The following LIPA variants were observed in gnomAD, a reference collection of about 807,000 sequenced individuals.
The protein encoded by LIPA is lipase A, lysosomal acid type.
Under a neutral mutation model 40.6 loss-of-function variants are expected in LIPA, and 26 were observed. The observed-to-expected ratio is 0.64, with a 90% CI of 0.47 to 0.89. The LOEUF (loss-of-function observed/expected upper bound fraction) is 0.89. Among genes scored for constraint, LIPA ranks in the 40% least tolerant of loss-of-function variants. LIPA has a pLI of 0.00. For synonymous variants in LIPA, 188 were observed against 168.4 expected, an observed-to-expected ratio of 1.12 and a Z score of -0.90; for missense variants, 455 against 479.6, an observed-to-expected ratio of 0.95 and a Z score of 0.48.
intron 1 of LIPA, among the ~76,000 whole-genome samples, chr10:89,265,092 CA>C (rs761262276): frequency 6.6e-6 from 1 of 152,186 alleles, no homozygotes; most frequent in Non-Finnish European, 1.5e-5. Flanking sequence ...CAGGTCACAG[CA>C]GCACCTAGGC....
intron 1 of LIPA, among the ~76,000 whole-genome samples, chr10:89,294,651 G>T (rs1843398280): frequency 6.6e-6 from 1 of 152,164 alleles, no homozygotes; most frequent in African/African-American, 2.4e-5. Context: ...AGAAGAAATG[G>T]TGTTTAATTA....
At chr10:89,395,063 C>A (rs1355297503) in intron 2 of LIPA, among the ~76,000 whole-genome samples, 2 of 152,174 alleles carry the variant, frequency 1.3e-5, no homozygotes, top group African/African-American at 2.4e-5. Context: ...TAGTTCTCCA[C>A]CTTTTTCCAG....
intron 2 of LIPA, among the ~76,000 whole-genome samples, chr10:89,387,726 T>G (rs1844220389): frequency 6.6e-6 from 1 of 152,230 alleles, no homozygotes; most frequent in South Asian, 2.1e-4. Flanking sequence ...TATCAATTAA[T>G]TGTACTGAAG....
At chr10:89,264,561 C>G (rs963585882) in intron 1 of LIPA, among the ~76,000 whole-genome samples, 4 of 152,104 alleles carry the variant, frequency 2.6e-5, no homozygotes, top group African/African-American at 9.7e-5. Flanking sequence ...AGCTTCTATT[C>G]ACAGGCAGGT....
At chr10:89,339,575 T>C (rs915392549) in intron 1 of LIPA, 8 of 1,614,154 alleles carry the variant, frequency 5.0e-6, no homozygotes, top group Non-Finnish European at 6.8e-6. Flanking sequence ...AAAGAGATGA[T>C]TGAAGCACTA....
intron 1 of LIPA, among the ~76,000 whole-genome samples, chr10:89,281,057 G>T (rs1262406588): frequency 6.6e-6 from 1 of 152,188 alleles, no homozygotes; most frequent in East Asian, 1.9e-4. Flanking sequence ...TAAAAACAGT[G>T]GCTATTTATG....
At chr10:89,227,701 C>T (rs2071511) in intron 4 of LIPA, among the ~76,000 whole-genome samples, 81,105 of 152,020 alleles carry the variant, frequency 0.53, 24,667 homozygotes, top group African/African-American at 0.85. Flanking sequence ...CTTCTCTGCA[C>T]CCTCTCCTTT....
At chr10:89,391,818 G>A (rs1486766450) in intron 2 of LIPA, among the ~76,000 whole-genome samples, 2 of 152,064 alleles carry the variant, frequency 1.3e-5, no homozygotes, top group Admixed American at 1.3e-4. Flanking sequence ...ATGAGCCACC[G>A]CACCCAGCCA....
At chr10:89,351,577 C>A (rs1444896736) in intron 2 of LIPA, among the ~76,000 whole-genome samples, 1 of 152,220 alleles carries the variant, frequency 6.6e-6, no homozygotes, top group South Asian at 2.1e-4. Context: ...AACCACCTAA[C>A]AACAGGCAGC....
At chr10:89,379,979 G>T (rs184745293) in intron 2 of LIPA, among the ~76,000 whole-genome samples, 1 of 151,684 alleles carries the variant, frequency 6.6e-6, no homozygotes, top group East Asian at 1.9e-4. Flanking sequence ...AGCTTGAAGT[G>T]AGCCGAGATT....
chr10:89,221,309 C>T (rs575887084), intron 8 of LIPA, among the ~76,000 whole-genome samples: 1 of 151,908 alleles, frequency 6.6e-6, no homozygotes, highest in Non-Finnish European at 1.5e-5. Context: ...GAGCCAAGAT[C>T]GCACCACTAC....
intron 1 of LIPA, chr10:89,338,387 G>A: frequency 2.8e-6 from 1 of 358,344 alleles, no homozygotes; most frequent in South Asian, 4.7e-5. Flanking sequence ...GTCAGAGGGA[G>A]AATTCTCCCT....
chr10:89,400,956 G>GT (rs151176238), intron 2 of LIPA, among the ~76,000 whole-genome samples: 27,951 of 146,504 alleles, frequency 0.19, 5,388 homozygotes, highest in African/African-American at 0.49. Context: ...TCTATAGTCT[G>GT]TTTTTTTTTT....
chr10:89,387,484 A>G (rs1435044344), intron 2 of LIPA, among the ~76,000 whole-genome samples: 3 of 152,182 alleles, frequency 2.0e-5, no homozygotes, highest in Admixed American at 1.3e-4. Context: ...GAAGAGAGAA[A>G]AAATTGGAGG....
intron 1 of LIPA, among the ~76,000 whole-genome samples, chr10:89,249,940 G>A (rs998273511): frequency 6.6e-6 from 1 of 152,028 alleles, no homozygotes; most frequent in Non-Finnish European, 1.5e-5. Flanking sequence ...TGTTTAAACT[G>A]AATATTCCAC....
chr10:89,341,494 T>C (rs2133577997), intron 1 of LIPA, among the ~76,000 whole-genome samples: 1 of 152,248 alleles, frequency 6.6e-6, no homozygotes, highest in East Asian at 1.9e-4. Flanking sequence ...CTCATGAATG[T>C]AATATCTAGT....
intron 1 of LIPA, among the ~76,000 whole-genome samples, chr10:89,264,133 T>G (rs557344361): frequency 1.3e-5 from 2 of 152,282 alleles, no homozygotes; most frequent in South Asian, 4.1e-4. Flanking sequence ...CTTCTCTCCT[T>G]CTCATTGCTG....
intron 2 of LIPA, among the ~76,000 whole-genome samples, chr10:89,392,379 G>C (rs1371814777): frequency 6.6e-6 from 1 of 152,018 alleles, no homozygotes; most frequent in Non-Finnish European, 1.5e-5. Flanking sequence ...CCAAATGCTG[G>C]CCAGTCATTG....
intron 2 of LIPA, among the ~76,000 whole-genome samples, chr10:89,370,870 T>A (rs1056406688): frequency 2.0e-5 from 3 of 151,848 alleles, no homozygotes; most frequent in Non-Finnish European, 4.4e-5. Context: ...GTACAAAAAT[T>A]AGCTGGGCAT....
Sources: allele counts gnomAD v4.1 joint callset (sites outside exome capture counted in the v4.1 genomes callset), GRCh38; gene constraint gnomAD v4.1.1; transcripts MANE v1.5; gene names NCBI Gene and HGNC (gene_info 2026-07-23, HGNC 2026-07-21).